Variants in FOXP2 observed in about 807,000 individuals in gnomAD.
FOXP2 encodes forkhead box P2, also known as forkhead box protein P2.
FOXP2 carries 12 observed loss-of-function variants against 115.8 expected under a neutral mutation model. The observed-to-expected ratio is 0.10, with a 90% CI of 0.07 to 0.17. FOXP2 has a LOEUF of 0.17. FOXP2 is among the 10% of genes least tolerant of loss of function. The pLI is 1.00. For synonymous variants in FOXP2, 328 were observed against 297.7 expected, an observed-to-expected ratio of 1.10 and a Z score of -1.05; for missense variants, 629 against 843.5, an observed-to-expected ratio of 0.75 and a Z score of 3.15.
intron 2 of FOXP2, among the ~76,000 whole-genome samples, chr7:114,291,287 G>C (rs1796582461): frequency 6.6e-6 from 1 of 152,034 alleles, no homozygotes; most frequent in Non-Finnish European, 1.5e-5. Flanking sequence ...TTTATAAAAA[G>C]GGCACTAATC....
chr7:114,534,296 G>A (rs1352411958), intron 2 of FOXP2, among the ~76,000 whole-genome samples: 1 of 119,480 alleles, frequency 8.4e-6, no homozygotes, highest in South Asian at 2.7e-4. Context: ...AAGGGAGTGG[G>A]CATTTTAGTT....
At chr7:114,180,078 A>G (rs1793418536) in intron 1 of FOXP2, among the ~76,000 whole-genome samples, 1 of 151,968 alleles carries the variant, frequency 6.6e-6, no homozygotes, top group Non-Finnish European at 1.5e-5. Context: ...GGTCTACCTT[A>G]GTGGATGTCA....
At chr7:114,616,969 C>T (rs1803985177) in intron 3 of FOXP2, among the ~76,000 whole-genome samples, 1 of 152,184 alleles carries the variant, frequency 6.6e-6, no homozygotes, top group African/African-American at 2.4e-5. Context: ...ACCTGTAGTC[C>T]TGCCTACTTG....
At chr7:114,643,750 A>G (rs1373419630) in intron 7 of FOXP2, among the ~76,000 whole-genome samples, 1 of 152,182 alleles carries the variant, frequency 6.6e-6, no homozygotes, top group Non-Finnish European at 1.5e-5. Flanking sequence ...TCTATTTTTG[A>G]AAGATGAAAT....
chr7:114,632,177 C>T (rs1461532210), intron 6 of FOXP2, among the ~76,000 whole-genome samples: 1 of 152,224 alleles, frequency 6.6e-6, no homozygotes, highest in Non-Finnish European at 1.5e-5. Flanking sequence ...CTATAGAGCA[C>T]ATTCCAAGTT....
intron 3 of FOXP2, among the ~76,000 whole-genome samples, chr7:114,548,331 T>C (rs1462899371): frequency 1.3e-5 from 2 of 152,206 alleles, no homozygotes; most frequent in Non-Finnish European, 2.9e-5. Context: ...GCTGAGTCTA[T>C]GAAGCTGATC....
At chr7:114,386,202 G>C (rs1045786948) in intron 2 of FOXP2, among the ~76,000 whole-genome samples, 17 of 152,190 alleles carry the variant, frequency 1.1e-4, no homozygotes, top group Non-Finnish European at 7.3e-5. Context: ...AGCTCAGCTC[G>C]AGCCATAACA....
intron 2 of FOXP2, among the ~76,000 whole-genome samples, chr7:114,504,531 T>A (rs1439392437): frequency 6.6e-6 from 1 of 151,724 alleles, no homozygotes; most frequent in Non-Finnish European, 1.5e-5. Context: ...CATTTTTAAG[T>A]AAAATTTACT....
At chr7:114,287,647 T>C (rs1456575456) in intron 1 of FOXP2, among the ~76,000 whole-genome samples, 1 of 152,036 alleles carries the variant, frequency 6.6e-6, no homozygotes, top group Non-Finnish European at 1.5e-5. Flanking sequence ...AAATCAGTTA[T>C]GTTTTCAGTT....
At chr7:114,352,019 G>T (rs4730633) in intron 2 of FOXP2, among the ~76,000 whole-genome samples, 63,526 of 151,796 alleles carry the variant, frequency 0.42, 14,504 homozygotes, top group South Asian at 0.51. Context: ...TATAATCCCA[G>T]CACTTTGGGA....
chr7:114,439,727 G>T (rs1470347524), intron 2 of FOXP2, among the ~76,000 whole-genome samples: 1 of 151,128 alleles, frequency 6.6e-6, no homozygotes, highest in Non-Finnish European at 1.5e-5. Context: ...TTTTTTGTGT[G>T]TATATAGATG....
intron 1 of FOXP2, among the ~76,000 whole-genome samples, chr7:114,232,328 A>T (rs748348813): frequency 8.5e-5 from 13 of 152,224 alleles, no homozygotes; most frequent in Non-Finnish European, 1.9e-4. Context: ...AATTAAAAAT[A>T]GAACTACCTT....
chr7:114,390,522 G>GTATGTATGTATTTATTTATT (rs1554382697), intron 2 of FOXP2, among the ~76,000 whole-genome samples: 7 of 148,366 alleles, frequency 4.7e-5, no homozygotes, highest in African/African-American at 1.7e-4. Flanking sequence ...TTTTATTTAT[G>GTATGTATGTATTTATTTATT]TATTTATTTA....
intron 1 of FOXP2, among the ~76,000 whole-genome samples, chr7:114,197,548 C>T (rs1193695469): frequency 1.3e-5 from 2 of 152,134 alleles, no homozygotes; most frequent in East Asian, 3.9e-4. Flanking sequence ...CTTCAAATAC[C>T]ATCATATTGG....
At chr7:114,403,984 C>T (rs1173723453) in intron 2 of FOXP2, among the ~76,000 whole-genome samples, 1 of 152,132 alleles carries the variant, frequency 6.6e-6, no homozygotes, top group Non-Finnish European at 1.5e-5. Flanking sequence ...TTCTTCTGCC[C>T]TCCTAAAGAA....
At chr7:114,569,248 C>T (rs1801173470) in intron 3 of FOXP2, among the ~76,000 whole-genome samples, 1 of 151,896 alleles carries the variant, frequency 6.6e-6, no homozygotes, top group Non-Finnish European at 1.5e-5. Flanking sequence ...AGCTGCCTAG[C>T]TGTAAAGCAG....
intron 3 of FOXP2, among the ~76,000 whole-genome samples, chr7:114,581,016 G>A (rs111380885): frequency 1.3e-4 from 19 of 150,600 alleles, no homozygotes; most frequent in South Asian, 6.3e-4. Flanking sequence ...ATCTATAGCA[G>A]TAGAGAACCA....
intron 2 of FOXP2, among the ~76,000 whole-genome samples, chr7:114,490,835 T>TATG (rs1797010409): frequency 6.6e-6 from 1 of 152,190 alleles, no homozygotes; most frequent in African/African-American, 2.4e-5. Context: ...GGACATGAAC[T>TATG]CATCATTTTT....
intron 1 of FOXP2, among the ~76,000 whole-genome samples, chr7:114,122,450 A>G (rs970610797): frequency 6.7e-6 from 1 of 149,228 alleles, no homozygotes; most frequent in African/African-American, 2.5e-5. Context: ...TGTTGCCAGC[A>G]ATGAAATACA....
Sources: allele counts gnomAD v4.1 joint callset (sites outside exome capture counted in the v4.1 genomes callset), GRCh38; gene constraint gnomAD v4.1.1; transcripts MANE v1.5; gene names NCBI Gene and HGNC (gene_info 2026-07-23, HGNC 2026-07-21).